The following ABLIM1 variants were observed in gnomAD, a reference collection of about 807,000 sequenced individuals.
The protein encoded by ABLIM1 is actin binding LIM protein 1.
In ABLIM1, 40 loss-of-function variants were observed where a neutral mutation model predicts 107.0. The observed-to-expected ratio is 0.37, with a 90% CI of 0.29 to 0.49. The LOEUF is 0.49. Among genes scored for constraint, ABLIM1 ranks in the 20% least tolerant of loss-of-function variants. The pLI, the probability that ABLIM1 is intolerant of heterozygous loss-of-function variation, is 0.97. For synonymous variants in ABLIM1, 357 were observed against 357.3 expected (o/e 1.00, Z 0.01); for missense variants, 857 against 1,008.5 (o/e 0.85, Z 2.04).
intron 12 of ABLIM1, among the ~76,000 whole-genome samples, chr10:114,456,433 TC>T (rs1410008865): frequency 6.6e-6 from 1 of 152,192 alleles, no homozygotes; most frequent in Non-Finnish European, 1.5e-5. Context: ...ACAGAATCAT[TC>T]TTACGGTCTT....
At chr10:114,713,567 C>A (rs950293363) in intron 1 of ABLIM1, among the ~76,000 whole-genome samples, 3 of 152,174 alleles carry the variant, frequency 2.0e-5, no homozygotes, top group Non-Finnish European at 4.4e-5. Context: ...TCTAACCTAC[C>A]ATTTCCTACC....
chr10:114,487,666 C>A (rs1388842677), intron 8 of ABLIM1, among the ~76,000 whole-genome samples: 2 of 152,162 alleles, frequency 1.3e-5, no homozygotes. Context: ...CCTGATGAGT[C>A]GTTGTTTTCC....
At chr10:114,458,808 G>C (rs925651095) in intron 12 of ABLIM1, among the ~76,000 whole-genome samples, 2 of 152,184 alleles carry the variant, frequency 1.3e-5, no homozygotes, top group Admixed American at 6.5e-5. Flanking sequence ...GTATTTCAAA[G>C]GGGAAGCAAG....
At chr10:114,772,046 ATTC>A (rs1403073979), upstream of ABLIM1, among the ~76,000 whole-genome samples, 1 of 152,126 alleles carries the variant, frequency 6.6e-6, no homozygotes, top group Non-Finnish European at 1.5e-5. Flanking sequence ...CATGAGAATA[ATTC>A]TTCTTTCTGC....
At position 114,495,444 on chromosome 10, in the gene ABLIM1, AATG is replaced by A. The variant is rs202029028; in HGVS notation, c.895-3569_895-3567del. On this transcript the variant is annotated intron_variant, in intron 6 of 22. Coordinates refer to ENST00000533213, the MANE Select transcript of ABLIM1 (RefSeq NM_002313.7). ...TGATGGTGAGTGGTGCTGGGGTGGT[AATG>A]ATGATGATGATGATGATGATGGTAG... Among the ~76,000 whole-genome samples, 315 of 150,322 alleles carry A rather than the reference AATG, an allele frequency of 2.1e-3. 2 individuals carry two copies. Among genetic ancestry groups the A allele is most frequent in the East Asian group, 7.2e-3 (37 of 5,120 alleles).
chr10:114,787,554 C>G, the ABLIM1 span, among the ~76,000 whole-genome samples: 1 of 147,992 alleles, frequency 6.8e-6, no homozygotes, highest in Non-Finnish European at 1.5e-5. Flanking sequence ...CCCCGCCCGG[C>G]CAGCCACCCC....
At chr10:114,563,343 G>A (rs1470566319) in intron 4 of ABLIM1, among the ~76,000 whole-genome samples, 1 of 152,046 alleles carries the variant, frequency 6.6e-6, no homozygotes, top group Admixed American at 6.6e-5. Flanking sequence ...TCAATTTCCG[G>A]AACTTTTATC....
At chr10:114,501,694 A>T (rs2060449538) in intron 6 of ABLIM1, among the ~76,000 whole-genome samples, 1 of 152,240 alleles carries the variant, frequency 6.6e-6, no homozygotes, top group Non-Finnish European at 1.5e-5. Context: ...TTGTTAGAGC[A>T]GTTTTAGGTT....
At chr10:114,665,129 A>C (rs1004157478) in intron 1 of ABLIM1, among the ~76,000 whole-genome samples, 1 of 152,004 alleles carries the variant, frequency 6.6e-6, no homozygotes, top group African/African-American at 2.4e-5. Flanking sequence ...AAAAAAAAAA[A>C]AGTTCCAGAA....
chr10:114,704,302 C>CTATATATATATATATATATA (rs369952218), intron 1 of ABLIM1, among the ~76,000 whole-genome samples: 6 of 43,088 alleles, frequency 1.4e-4, no homozygotes, highest in Admixed American at 2.3e-4. Context: ...CTCTCTCTCT[C>CTATATATATATATATATATA]TATATATATA....
chr10:114,625,464 T>A (rs1412059090), intron 1 of ABLIM1, among the ~76,000 whole-genome samples: 1 of 152,194 alleles, frequency 6.6e-6, no homozygotes, highest in Non-Finnish European at 1.5e-5. Flanking sequence ...AGACTGCATA[T>A]GAAGTCCAAT....
chr10:114,552,491 GAAAAAAA>G (rs68058352), intron 4 of ABLIM1, among the ~76,000 whole-genome samples: 4 of 120,660 alleles, frequency 3.3e-5, no homozygotes, highest in African/African-American at 9.1e-5. Flanking sequence ...ACCTAACATG[GAAAAAAA>G]AAAAAAAAAA....
chr10:114,622,241 C>A (rs902759378), intron 1 of ABLIM1, among the ~76,000 whole-genome samples: 4 of 144,314 alleles, frequency 2.8e-5, no homozygotes, highest in Non-Finnish European at 6.1e-5. Context: ...ATCCACTTTT[C>A]TTTTTCTTTT....
chr10:114,461,885 G>A (rs1184912111), intron 12 of ABLIM1, among the ~76,000 whole-genome samples: 1 of 152,074 alleles, frequency 6.6e-6, no homozygotes, highest in African/African-American at 2.4e-5. Context: ...AGAGAGTGTT[G>A]CACCTATCAA....
intron 6 of ABLIM1, 65 bp downstream of exon 6, chr10:114,544,940 T>A (rs75901365): frequency 6.8e-7 from 1 of 1,463,718 alleles, no homozygotes; most frequent in African/African-American, 1.4e-5. Flanking sequence ...GGTCCCCTCT[T>A]GTTTGTTTCT....
At chr10:114,660,479 G>GA (rs61010307), upstream of ABLIM1, among the ~76,000 whole-genome samples, 73 of 95,464 alleles carry the variant, frequency 7.6e-4, no homozygotes, top group Non-Finnish European at 9.5e-4. Context: ...AATACAACTG[G>GA]AAAAAAAAAA....
intron 1 of ABLIM1, among the ~76,000 whole-genome samples, chr10:114,617,510 C>T (rs2077203764): frequency 6.6e-6 from 1 of 151,916 alleles, no homozygotes; most frequent in Non-Finnish European, 1.5e-5. Context: ...TCAGGTAATC[C>T]ACCCGCCTCG....
chr10:114,490,823 CTTTT>C (rs1420791530), intron 7 of ABLIM1, among the ~76,000 whole-genome samples: 3 of 148,492 alleles, frequency 2.0e-5, no homozygotes, highest in East Asian at 2.0e-4. Flanking sequence ...TTTTTTTTGT[CTTTT>C]TTGTTTTTTT....
intron 8 of ABLIM1, among the ~76,000 whole-genome samples, chr10:114,487,595 A>G (rs1207646419): frequency 6.6e-6 from 1 of 152,190 alleles, no homozygotes; most frequent in Non-Finnish European, 1.5e-5. Flanking sequence ...GGGTCAGAGT[A>G]GTGCATTATA....
Sources: gnomAD v4.1 joint callset for allele counts (sites outside exome capture counted in the v4.1 genomes callset) on GRCh38, gnomAD v4.1.1 for gene constraint, MANE v1.5 for transcripts, NCBI Gene and HGNC (gene_info 2026-07-23, HGNC 2026-07-21) for gene names.